The following CCDC178 variants were observed in gnomAD, a reference collection of about 807,000 sequenced individuals.
CCDC178 encodes the protein coiled-coil domain containing 178, also known as coiled-coil domain-containing protein 178.
Under a neutral mutation model 117.4 loss-of-function variants are expected in CCDC178, and 126 were observed. The observed-to-expected ratio is 1.07, with a 90% CI of 0.93 to 1.24. The LOEUF is 1.24. CCDC178 is among the 50% of genes most tolerant of loss of function. The pLI is 0.00. For synonymous variants in CCDC178, 283 were observed against 313.4 expected (o/e 0.90, Z 1.02); for missense variants, 1,030 against 986.9 (o/e 1.04, Z -0.59).
chr18:33,196,492 G>T (rs921784052), intron 20 of CCDC178, among the ~76,000 whole-genome samples: 1 of 152,028 alleles, frequency 6.6e-6, no homozygotes, highest in East Asian at 1.9e-4. Context: ...TCTGAATTTC[G>T]TGAGCTTTCT....
At chr18:33,291,809 G>T (rs1018760419) in intron 12 of CCDC178, among the ~76,000 whole-genome samples, 1 of 152,058 alleles carries the variant, frequency 6.6e-6, no homozygotes, top group African/African-American at 2.4e-5. Context: ...AGGCTGACAG[G>T]TGCCAAGGAA....
At chr18:33,356,194 T>A (rs1047270335) in intron 7 of CCDC178, 130 bp downstream of exon 7, 19 of 907,248 alleles carry the variant, frequency 2.1e-5, no homozygotes, top group Non-Finnish European at 3.0e-5. Flanking sequence ...AAAAATATAT[T>A]GCAATATCTA....
rs530764182 is a variant in CCDC178 at position 33,194,900 on chromosome 18, C to CAAA, written c.2238+16993_2238+16995dup. Among the ~76,000 whole-genome samples the CAAA allele has an allele frequency of 2.0e-3, 110 of 56,074 alleles. 1 individual carries two copies. The highest frequency in any genetic ancestry group is 7.2e-3 in the East Asian group (12 of 1,660). The allele number at this position is 56,074 out of a possible 152,430, so 36.8% of individuals were successfully genotyped here. A position where few individuals can be genotyped will look rare whatever the true frequency, so the allele number is the denominator to read the frequency against. On this transcript the variant is annotated intron_variant, in intron 20 of 22. Coordinates refer to ENST00000383096, the MANE Select transcript of CCDC178 (RefSeq NM_001105528.4). ...GCAATACAATGAGACTCTGTTTCTA[C>CAAA]AAAAAAAAAAAAAAAAAAAGAGAGA...
intron 11 of CCDC178, among the ~76,000 whole-genome samples, chr18:33,310,519 C>G (rs566808840): frequency 6.6e-6 from 1 of 151,782 alleles, no homozygotes; most frequent in Non-Finnish European, 1.5e-5. Flanking sequence ...GAAACCCCAT[C>G]GCTACAAGAA....
chr18:33,143,293 A>G lies in CCDC178; in HGVS notation c.2239-50383T>C, dbSNP rs113104315. On this transcript the variant is annotated intron_variant, in intron 20 of 22. Coordinates refer to ENST00000383096, the MANE Select transcript of CCDC178 (RefSeq NM_001105528.4). Reference sequence around the variant, plus strand: ...AAGTATCTTTTCAGTGAAGAAGAGCACAAGAATTTTATAGAACATACACAT... The same window carrying G: ...AAGTATCTTTTCAGTGAAGAAGAGCGCAAGAATTTTATAGAACATACACAT... Among the ~76,000 whole-genome samples, 1,197 of 152,298 alleles carry G rather than the reference A, an allele frequency of 7.9e-3. 13 individuals are homozygous for G. Among genetic ancestry groups the G allele is most frequent in the African/African-American group, 0.027 (1,115 of 41,568 alleles).
At chr18:33,379,814 G>A (rs1390541850) in intron 5 of CCDC178, among the ~76,000 whole-genome samples, 1 of 152,092 alleles carries the variant, frequency 6.6e-6, no homozygotes, top group African/African-American at 2.4e-5. Context: ...AGGTGAGTGG[G>A]TGCTCCAAAT....
At chr18:33,347,476 T>C (rs1348476280) in intron 8 of CCDC178, among the ~76,000 whole-genome samples, 10 of 152,178 alleles carry the variant, frequency 6.6e-5, no homozygotes. Flanking sequence ...TCCCTATTTT[T>C]AATGCATAAA....
At chr18:33,083,746 C>T (rs2057334133) in intron 21 of CCDC178, among the ~76,000 whole-genome samples, 1 of 152,204 alleles carries the variant, frequency 6.6e-6, no homozygotes, top group South Asian at 2.1e-4. Context: ...ATGTTTGACA[C>T]AGATGTTGAA....
chr18:33,346,325 C>T lies in CCDC178; in HGVS notation c.544G>A (p.Ala182Thr). The change falls in exon 9 of 23, where the codon GCA (alanine) becomes ACA (threonine). Residue 182 changes from alanine to threonine, a missense_variant. By Grantham distance (58) the Ala-to-Thr change is moderately conservative (BLOSUM62 0). Coordinates refer to ENST00000383096, the MANE Select transcript of CCDC178 (RefSeq NM_001105528.4). ...RLIKSLETDRADAEEALKQQR... is the reference protein window; with the variant it reads ...RLIKSLETDRTDAEEALKQQR... ...TGTTTTAAAGCTTCTTCAGCGTCTG[C>T]CCGGTCAGTTTCTAGACTTTTAATG... is the stretch of plus-strand genomic sequence containing the variant. 1.9e-6 allele frequency: 3 copies of T among 1,613,386 alleles called. No homozygotes were observed. The highest frequency in any genetic ancestry group is 1.7e-5 in the Admixed American group (1 of 60,004).
intron 21 of CCDC178, among the ~76,000 whole-genome samples, chr18:33,018,070 A>C (rs2056031555): frequency 6.6e-6 from 1 of 152,088 alleles, no homozygotes; most frequent in South Asian, 2.1e-4. Context: ...ATACGCAAGG[A>C]ACTCTAACAA....
At chr18:33,237,256 T>C (rs934026663) in intron 15 of CCDC178, among the ~76,000 whole-genome samples, 6 of 152,160 alleles carry the variant, frequency 3.9e-5, no homozygotes, top group Non-Finnish European at 8.8e-5. Context: ...ACTCTGGTCC[T>C]GCACATCATG....
Position 33,052,803 on chromosome 18 carries a change from T to G in CCDC178, c.2388+39958A>C, listed in dbSNP as rs2056767718. Among the ~76,000 whole-genome samples, 5 of 152,202 alleles carry G rather than the reference T, an allele frequency of 3.3e-5. No individual in the cohort carries two copies. In the South Asian group the frequency reaches 1.0e-3, roughly 32 times the overall value. ...GAAGCAGGATTTAAAAAAATTTTTT[T>G]TAACAACTAGAACTACCTATTATTA... On this transcript the variant is annotated intron_variant, in intron 21 of 22. Coordinates refer to ENST00000383096, the MANE Select transcript of CCDC178 (RefSeq NM_001105528.4).
intron 15 of CCDC178, among the ~76,000 whole-genome samples, chr18:33,227,274 G>A (rs1476328951): frequency 1.3e-5 from 2 of 149,662 alleles, no homozygotes; most frequent in Non-Finnish European, 3.0e-5. Context: ...TCTCCATTTA[G>A]CTAGAACAAT....
In CCDC178 at chr18:32,937,697, A is replaced by G. The variant is rs748696414; in HGVS notation, c.*314T>C. 6.7e-4 allele frequency: 204 copies of G among 302,652 alleles called. No individual in the cohort carries two copies. The highest frequency in any genetic ancestry group is 1.1e-3 in the Non-Finnish European group (172 of 161,414). 18.7% of individuals were successfully genotyped at this position (302,652 alleles called of 1,614,324 possible). A position where few individuals can be genotyped will look rare whatever the true frequency, so the allele number is the denominator to read the frequency against. ...TCTGGGGAAGCGAACAGTCACTGTC[A>G]ACACCGCCAGTAATTATTCTCTCTT... On this transcript the variant is annotated 3_prime_UTR_variant, in exon 23 of 23. Transcript: ENST00000383096.
intron 12 of CCDC178, among the ~76,000 whole-genome samples, chr18:33,277,021 C>A (rs992192159): frequency 1.9e-4 from 29 of 152,016 alleles, no homozygotes; most frequent in African/African-American, 5.6e-4. Context: ...AATAAAAAAA[C>A]TAGTAGCAAT....
intron 7 of CCDC178, among the ~76,000 whole-genome samples, chr18:33,354,511 A>T (rs929770692): frequency 2.0e-5 from 3 of 151,776 alleles, no homozygotes; most frequent in South Asian, 2.1e-4. Context: ...CTATTAACTT[A>T]TCATCAAATT....
intron 2 of CCDC178, among the ~76,000 whole-genome samples, chr18:33,416,440 A>G (rs1046680578): frequency 1.4e-5 from 2 of 146,380 alleles, no homozygotes; most frequent in Admixed American, 6.9e-5. Flanking sequence ...AAAAAAAAAA[A>G]GAAAAAAACT....
At chr18:33,392,546 A>T (rs2063577163) in intron 4 of CCDC178, among the ~76,000 whole-genome samples, 1 of 152,202 alleles carries the variant, frequency 6.6e-6, no homozygotes, top group South Asian at 2.1e-4. Context: ...TAAAAGAATA[A>T]AGTTTCTACA....
intron 20 of CCDC178, among the ~76,000 whole-genome samples, chr18:33,199,711 AT>A (rs1256744170): frequency 6.6e-6 from 1 of 151,984 alleles, no homozygotes; most frequent in East Asian, 1.9e-4. Flanking sequence ...GTGTCTTGAT[AT>A]TTCTTCTCCA....
Sources: gnomAD v4.1 joint callset for allele counts (sites outside exome capture counted in the v4.1 genomes callset) on GRCh38, gnomAD v4.1.1 for gene constraint, MANE v1.5 for transcripts, NCBI Gene and HGNC (gene_info 2026-07-23, HGNC 2026-07-21) for gene names.